The following TTLL5 variants were observed in gnomAD, a reference collection of about 807,000 sequenced individuals.
The protein encoded by TTLL5 is tubulin tyrosine ligase like 5.
TTLL5 carries 132 observed loss-of-function variants against 168.4 expected under a neutral mutation model. That is an observed-to-expected ratio of 0.78 (90% CI 0.68 to 0.91). TTLL5 has a LOEUF of 0.91. Among genes scored for constraint, TTLL5 ranks in the 40% least tolerant of loss-of-function variants. The pLI is 0.00. For missense variants in TTLL5, 1,545 were observed against 1,581.5 expected (o/e 0.98, Z 0.39); for synonymous variants, 546 against 558.6 (o/e 0.98, Z 0.32).
chr14:75,815,398 A>G (rs897955791), intron 27 of TTLL5, among the ~76,000 whole-genome samples: 2 of 152,240 alleles, frequency 1.3e-5, no homozygotes, highest in Non-Finnish European at 2.9e-5. Flanking sequence ...GCTTTTGCAT[A>G]AAACAAAATC....
chr14:75,865,136 G>A (rs2030399845), intron 29 of TTLL5, among the ~76,000 whole-genome samples: 1 of 152,118 alleles, frequency 6.6e-6, no homozygotes, highest in Non-Finnish European at 1.5e-5. Flanking sequence ...GCATCTCATT[G>A]TAATCACATC....
intron 7 of TTLL5, 47 bp from the exon 8 acceptor site, chr14:75,706,971 G>T: frequency 6.8e-7 from 1 of 1,472,028 alleles, no homozygotes; most frequent in South Asian, 1.2e-5. Context: ...TGTAAATTAG[G>T]ATTCCTGTGT....
At chr14:75,778,965 A>T (rs1429474718) in intron 23 of TTLL5, among the ~76,000 whole-genome samples, 1 of 152,246 alleles carries the variant, frequency 6.6e-6, no homozygotes, top group East Asian at 1.9e-4. Context: ...GAAAATGACA[A>T]GTGGCTCTTT....
chr14:75,924,044 CT>C (rs55779705), intron 31 of TTLL5, among the ~76,000 whole-genome samples: 59 of 142,820 alleles, frequency 4.1e-4, no homozygotes, highest in Middle Eastern at 3.6e-3. Flanking sequence ...GCAACCCCAG[CT>C]TTTTTTTTTT....
intron 3 of TTLL5, among the ~76,000 whole-genome samples, chr14:75,679,265 A>G (rs989478015): frequency 2.0e-5 from 3 of 152,212 alleles, no homozygotes; most frequent in African/African-American, 7.2e-5. Flanking sequence ...AAGGAGGTAG[A>G]AGAGGCCAGA....
intron 7 of TTLL5, among the ~76,000 whole-genome samples, chr14:75,704,871 A>T (rs1886540452): frequency 6.6e-6 from 1 of 152,214 alleles, no homozygotes; most frequent in Non-Finnish European, 1.5e-5. Flanking sequence ...AACTCAAAGG[A>T]TAAATGTGTA....
chr14:75,727,935 A>G, intron 12 of TTLL5: 1 of 435,030 alleles, frequency 2.3e-6, no homozygotes, highest in Non-Finnish European at 4.6e-6. Context: ...ATGTGGGCTG[A>G]CAGGCATGTG....
chr14:75,805,374 AGT>A (rs1300829451), intron 27 of TTLL5, among the ~76,000 whole-genome samples: 5 of 152,328 alleles, frequency 3.3e-5, no homozygotes, highest in Middle Eastern at 3.4e-3. Flanking sequence ...ATCATAGCAG[AGT>A]GGCTCTGGTT....
intron 20 of TTLL5, among the ~76,000 whole-genome samples, chr14:75,767,498 T>C (rs1891037211): frequency 6.6e-6 from 1 of 152,174 alleles, no homozygotes; most frequent in African/African-American, 2.4e-5. Context: ...GTCGTGTGAA[T>C]AGTAGGAGGC....
intron 8 of TTLL5, 35 bp from the exon 9 acceptor site, chr14:75,707,588 G>A (rs1594901828): frequency 6.7e-7 from 1 of 1,486,144 alleles, no homozygotes; most frequent in Non-Finnish European, 9.2e-7. Context: ...AATGAACTTA[G>A]TTTTTTTTTG....
At chr14:75,926,000 G>A (rs1011527233) in intron 31 of TTLL5, among the ~76,000 whole-genome samples, 1 of 151,782 alleles carries the variant, frequency 6.6e-6, no homozygotes, top group Admixed American at 6.5e-5. Flanking sequence ...GATGGCGGCA[G>A]TATAGTCCAG....
intron 29 of TTLL5, among the ~76,000 whole-genome samples, chr14:75,875,408 G>A (rs1166379028): frequency 3.3e-5 from 5 of 150,730 alleles, no homozygotes; most frequent in Non-Finnish European, 5.9e-5. Context: ...AATTAGCTGC[G>A]TGTGGTGGCA....
intron 15 of TTLL5, among the ~76,000 whole-genome samples, chr14:75,742,460 A>G (rs547805178): frequency 1.3e-5 from 2 of 152,240 alleles, no homozygotes; most frequent in South Asian, 4.1e-4. Context: ...CAATGGGGCA[A>G]TCTTGGCTCA....
chr14:75,849,898 C>T (rs530448549), intron 28 of TTLL5, among the ~76,000 whole-genome samples: 2 of 151,970 alleles, frequency 1.3e-5, no homozygotes, highest in East Asian at 1.9e-4. Flanking sequence ...CCAAGGAGTT[C>T]GAGGCCACCC....
intron 5 of TTLL5, 58 bp from the exon 6 acceptor site, chr14:75,690,134 A>G (rs938141079): frequency 1.3e-6 from 2 of 1,599,122 alleles, no homozygotes; most frequent in South Asian, 1.1e-5. Context: ...GAATGTGATA[A>G]CACAGGAAAA....
At chr14:75,896,712 A>AT (rs1566650406) in intron 30 of TTLL5, among the ~76,000 whole-genome samples, 1 of 152,222 alleles carries the variant, frequency 6.6e-6, no homozygotes, top group Non-Finnish European at 1.5e-5. Context: ...TAAAGAAAGC[A>AT]TATCGCTTTC....
intron 15 of TTLL5, among the ~76,000 whole-genome samples, chr14:75,739,723 C>T (rs887914952): frequency 1.3e-5 from 2 of 152,186 alleles, no homozygotes; most frequent in Non-Finnish European, 2.9e-5. Flanking sequence ...TCAATTCCCA[C>T]ATCTGTCATA....
intron 26 of TTLL5, among the ~76,000 whole-genome samples, chr14:75,784,863 G>A (rs1353069755): frequency 6.6e-6 from 1 of 151,960 alleles, no homozygotes. Context: ...CTTTTCATTT[G>A]CTTATTGGAT....
At chr14:75,789,218 T>A (rs192313623) in intron 26 of TTLL5, among the ~76,000 whole-genome samples, 1 of 152,296 alleles carries the variant, frequency 6.6e-6, no homozygotes, top group Admixed American at 6.5e-5. Flanking sequence ...TTCTGTCCAG[T>A]GTTTTACTGG....
Sources: gnomAD v4.1 joint callset for allele counts (sites outside exome capture counted in the v4.1 genomes callset) on GRCh38, gnomAD v4.1.1 for gene constraint, MANE v1.5 for transcripts, NCBI Gene and HGNC (gene_info 2026-07-23, HGNC 2026-07-21) for gene names.